The following AGBL4 variants were observed in gnomAD, a reference collection of about 807,000 sequenced individuals.
AGBL4 encodes cytosolic carboxypeptidase 6.
Under a neutral mutation model 66.4 loss-of-function variants are expected in AGBL4, and 58 were observed. That is an observed-to-expected ratio of 0.87 (90% CI 0.71 to 1.09). The LOEUF (loss-of-function observed/expected upper bound fraction) is 1.09. AGBL4 is among the 50% of genes least tolerant of loss of function. The pLI, the probability that AGBL4 is intolerant of heterozygous loss-of-function variation, is 0.00. For synonymous variants in AGBL4, 234 were observed against 222.9 expected, an observed-to-expected ratio of 1.05 and a Z score of -0.44; for missense variants, 579 against 631.0, an observed-to-expected ratio of 0.92 and a Z score of 0.88.
intron 2 of AGBL4, among the ~76,000 whole-genome samples, chr1:49,753,652 C>A (rs998351124): frequency 6.6e-6 from 1 of 152,150 alleles, no homozygotes; most frequent in African/African-American, 2.4e-5. Flanking sequence ...GGATAATATC[C>A]TGAACAGTGT....
intron 2 of AGBL4, among the ~76,000 whole-genome samples, chr1:49,722,177 G>A (rs573810287): frequency 6.1e-4 from 93 of 152,292 alleles, no homozygotes; most frequent in African/African-American, 2.1e-3. Context: ...ATAGCCTAAA[G>A]AGACTTCAGC....
chr1:49,908,865 A>G (rs1423124258), intron 1 of AGBL4, among the ~76,000 whole-genome samples: 2 of 152,230 alleles, frequency 1.3e-5, no homozygotes, highest in Admixed American at 1.3e-4. Context: ...ACAATAGTCA[A>G]TATCCATTAA....
chr1:48,908,952 T>C (rs578087819), intron 5 of AGBL4, among the ~76,000 whole-genome samples: 5 of 152,224 alleles, frequency 3.3e-5, no homozygotes, highest in Non-Finnish European at 7.4e-5. Flanking sequence ...GGACTAGTTT[T>C]TGCATCTACT....
At chr1:49,436,541 T>G (rs990091952) in intron 3 of AGBL4, among the ~76,000 whole-genome samples, 1 of 152,260 alleles carries the variant, frequency 6.6e-6, no homozygotes, top group East Asian at 1.9e-4. Flanking sequence ...TATATCCTCA[T>G]TGAAAGTACT....
intron 3 of AGBL4, among the ~76,000 whole-genome samples, chr1:49,403,213 A>G (rs1645124305): frequency 6.6e-6 from 1 of 152,140 alleles, no homozygotes; most frequent in South Asian, 2.1e-4. Context: ...TGCTGAGTTG[A>G]TTCCTTTATC....
At chr1:49,297,886 T>C (rs957778799) in intron 3 of AGBL4, among the ~76,000 whole-genome samples, 1 of 152,096 alleles carries the variant, frequency 6.6e-6, no homozygotes, top group African/African-American at 2.4e-5. Flanking sequence ...CACAGAGCCC[T>C]AAGAAAGTTG....
chr1:49,950,144 A>G (rs1320435101), intron 1 of AGBL4, among the ~76,000 whole-genome samples: 2 of 144,274 alleles, frequency 1.4e-5, no homozygotes, highest in East Asian at 2.0e-4. Flanking sequence ...ATATACACAT[A>G]TGTGTATATA....
intron 2 of AGBL4, among the ~76,000 whole-genome samples, chr1:49,792,762 C>A (rs1644631747): frequency 6.6e-6 from 1 of 151,966 alleles, no homozygotes; most frequent in Non-Finnish European, 1.5e-5. Context: ...AACCTCCAAA[C>A]TGTCTCAAGG....
intron 2 of AGBL4, among the ~76,000 whole-genome samples, chr1:49,781,958 C>T (rs1644348155): frequency 6.6e-6 from 1 of 151,918 alleles, no homozygotes; most frequent in African/African-American, 2.4e-5. Context: ...ATGTAGGGTA[C>T]AGCTAAAGCA....
chr1:49,906,785 G>T (rs1352621528), intron 1 of AGBL4, among the ~76,000 whole-genome samples: 1 of 152,166 alleles, frequency 6.6e-6, no homozygotes, highest in South Asian at 2.1e-4. Flanking sequence ...AATTGGTACA[G>T]ACTATTCTTT....
chr1:49,088,369 C>T (rs1353053778), intron 4 of AGBL4, among the ~76,000 whole-genome samples: 1 of 151,992 alleles, frequency 6.6e-6, no homozygotes, highest in Non-Finnish European at 1.5e-5. Flanking sequence ...TGCAATAACA[C>T]CCATAGCCTA....
At chr1:49,284,402 C>T (rs1449465979) in intron 3 of AGBL4, among the ~76,000 whole-genome samples, 2 of 152,008 alleles carry the variant, frequency 1.3e-5, no homozygotes, top group Non-Finnish European at 2.9e-5. Context: ...CAACCGGTAC[C>T]AGCCACTGCA....
At chr1:49,504,031 A>T (rs1334845455) in intron 3 of AGBL4, among the ~76,000 whole-genome samples, 4 of 152,126 alleles carry the variant, frequency 2.6e-5, no homozygotes, top group African/African-American at 9.6e-5. Flanking sequence ...CTCATTACAA[A>T]TGAATTGTAA....
chr1:49,488,703 C>G (rs911929520), intron 3 of AGBL4, among the ~76,000 whole-genome samples: 2 of 151,760 alleles, frequency 1.3e-5, no homozygotes, highest in African/African-American at 4.8e-5. Context: ...TCCCACTATC[C>G]TTCTTTTCCT....
intron 1 of AGBL4, among the ~76,000 whole-genome samples, chr1:49,921,386 A>G (rs1652229334): frequency 6.6e-6 from 1 of 152,244 alleles, no homozygotes. Context: ...ATTTATATTC[A>G]TAATTTTAAA....
At chr1:49,341,164 T>C (rs533426456) in intron 3 of AGBL4, among the ~76,000 whole-genome samples, 1 of 152,300 alleles carries the variant, frequency 6.6e-6, no homozygotes, top group South Asian at 2.1e-4. Flanking sequence ...CTTTACTCTG[T>C]GGACTCCCCT....
At chr1:48,942,049 G>A (rs1656021695) in intron 5 of AGBL4, among the ~76,000 whole-genome samples, 1 of 152,162 alleles carries the variant, frequency 6.6e-6, no homozygotes, top group South Asian at 2.1e-4. Flanking sequence ...TGTGAGGACT[G>A]TTCTATAAAG....
chr1:49,730,481 C>T (rs1026856296), intron 2 of AGBL4, among the ~76,000 whole-genome samples: 3 of 152,058 alleles, frequency 2.0e-5, no homozygotes, highest in African/African-American at 4.8e-5. Flanking sequence ...AGCTGCCAGT[C>T]GGGAATGAGA....
chr1:49,951,687 T>C (rs555945661), intron 1 of AGBL4, among the ~76,000 whole-genome samples: 3 of 152,100 alleles, frequency 2.0e-5, no homozygotes, highest in African/African-American at 7.2e-5. Flanking sequence ...AAATATCAAT[T>C]TCTTTAAGAT....
Sources: allele counts gnomAD v4.1 joint callset (sites outside exome capture counted in the v4.1 genomes callset), GRCh38; gene constraint gnomAD v4.1.1; transcripts MANE v1.5; gene names NCBI Gene and HGNC (gene_info 2026-07-23, HGNC 2026-07-21).